ASIC2: variants seen among roughly 807,000 people sequenced by gnomAD.
The protein encoded by ASIC2 is acid sensing ion channel subunit 2, also known as acid-sensing ion channel 2.
A neutral mutation model predicts 57.3 loss-of-function variants in ASIC2; 25 were observed. The observed-to-expected ratio is 0.44, with a 90% confidence interval of 0.32 to 0.61. The LOEUF is 0.61. Among genes scored for constraint, ASIC2 ranks in the 20% least tolerant of loss-of-function variants. The pLI is 0.06. For missense variants in ASIC2, 641 were observed against 738.1 expected, an observed-to-expected ratio of 0.87 and a Z score of 1.52; for synonymous variants, 319 against 307.5, an observed-to-expected ratio of 1.04 and a Z score of -0.39.
At chr17:33,308,060 C>T (rs895735965) in intron 1 of ASIC2, among the ~76,000 whole-genome samples, 1 of 152,182 alleles carries the variant, frequency 6.6e-6, no homozygotes, top group Admixed American at 6.5e-5. Flanking sequence ...TGAGTTTGTA[C>T]ACTGGTATGT....
intron 1 of ASIC2, among the ~76,000 whole-genome samples, chr17:33,809,717 A>C (rs2142152682): frequency 6.6e-6 from 1 of 152,330 alleles, no homozygotes; most frequent in South Asian, 2.1e-4. Flanking sequence ...ATCTTGAGGA[A>C]GAAATGGCAG....
chr17:33,988,821 T>C (rs2142008531), intron 1 of ASIC2, among the ~76,000 whole-genome samples: 1 of 152,110 alleles, frequency 6.6e-6, no homozygotes, highest in East Asian at 1.9e-4. Context: ...CCCTGGTGAC[T>C]CTTAGACAGT....
At chr17:34,037,836 C>A in intron 1 of ASIC2, 1 of 1,614,082 alleles carries the variant, frequency 6.2e-7, no homozygotes, top group Non-Finnish European at 8.5e-7. Context: ...GGGAACTGCA[C>A]TTCAGTAGCT....
chr17:33,637,913 G>T (rs1392392798), intron 1 of ASIC2, among the ~76,000 whole-genome samples: 1 of 152,186 alleles, frequency 6.6e-6, no homozygotes, highest in Non-Finnish European at 1.5e-5. Context: ...TGGCGGATGA[G>T]GGGCTAGGGA....
At chr17:33,021,148 C>T in intron 7 of ASIC2, 71 bp downstream of exon 7, 1 of 1,142,168 alleles carries the variant, frequency 8.8e-7, no homozygotes, top group South Asian at 1.4e-5. Context: ...TGCCTCCCAT[C>T]CACCTGTGCA....
chr17:33,487,565 T>C (rs755945994), intron 1 of ASIC2, among the ~76,000 whole-genome samples: 56 of 152,346 alleles, frequency 3.7e-4, no homozygotes, highest in Non-Finnish European at 5.9e-4. Flanking sequence ...GTGGTTAATA[T>C]TGAGTGTCAA....
At chr17:33,318,275 C>T (rs1029031808) in intron 1 of ASIC2, among the ~76,000 whole-genome samples, 8 of 152,198 alleles carry the variant, frequency 5.3e-5, no homozygotes, top group Non-Finnish European at 1.0e-4. Context: ...TTAACAAAGC[C>T]TATTCTTAGG....
At chr17:33,932,594 T>A (rs556551195) in intron 1 of ASIC2, 3 of 150,814 alleles carry the variant, frequency 2.0e-5, no homozygotes, top group Non-Finnish European at 4.4e-5. Context: ...ATGCCTGTAA[T>A]CTCACCTATT....
chr17:33,521,985 C>T (rs573667823), intron 1 of ASIC2, among the ~76,000 whole-genome samples: 16 of 152,314 alleles, frequency 1.1e-4, no homozygotes, highest in African/African-American at 3.8e-4. Flanking sequence ...CTAGGGGGCC[C>T]TCTGCTGGGC....
intron 1 of ASIC2, among the ~76,000 whole-genome samples, chr17:33,946,297 G>A (rs1348963873): frequency 6.7e-6 from 1 of 149,888 alleles, no homozygotes; most frequent in African/African-American, 2.5e-5. Context: ...GGTGAAAGAC[G>A]ACTGGGACAG....
At chr17:33,329,699 C>A (rs1167174110) in intron 1 of ASIC2, among the ~76,000 whole-genome samples, 3 of 152,172 alleles carry the variant, frequency 2.0e-5, no homozygotes, top group African/African-American at 7.2e-5. Context: ...TGACCTCTGT[C>A]CCTTAACCTT....
chr17:33,357,542 C>T (rs62069385), intron 1 of ASIC2, among the ~76,000 whole-genome samples: 49 of 152,202 alleles, frequency 3.2e-4, no homozygotes, highest in African/African-American at 1.1e-3. Flanking sequence ...GCTAGACCAC[C>T]TTTCCTGCCT....
intron 1 of ASIC2, among the ~76,000 whole-genome samples, chr17:33,963,384 C>T (rs1913021647): frequency 6.6e-6 from 1 of 152,116 alleles, no homozygotes; most frequent in African/African-American, 2.4e-5. Flanking sequence ...CATGCTATTT[C>T]CCCATTTCTG....
At chr17:33,185,902 A>G (rs989480213) in intron 1 of ASIC2, among the ~76,000 whole-genome samples, 1 of 152,170 alleles carries the variant, frequency 6.6e-6, no homozygotes, top group African/African-American at 2.4e-5. Context: ...AGTGGGGACA[A>G]ATTCACCATA....
intron 1 of ASIC2, among the ~76,000 whole-genome samples, chr17:33,663,057 G>T (rs112827289): frequency 2.0e-5 from 3 of 152,112 alleles, no homozygotes; most frequent in South Asian, 4.1e-4. Context: ...GCGCCTGCAC[G>T]CACACACACT....
intron 1 of ASIC2, among the ~76,000 whole-genome samples, chr17:33,771,515 A>G (rs1194190684): frequency 6.6e-6 from 1 of 151,218 alleles, no homozygotes; most frequent in Non-Finnish European, 1.5e-5. Context: ...TAGAAATTGA[A>G]TCTGAGCTGA....
intron 1 of ASIC2, among the ~76,000 whole-genome samples, chr17:33,750,476 C>A (rs553598918): frequency 2.6e-5 from 4 of 152,086 alleles, no homozygotes; most frequent in African/African-American, 9.7e-5. Context: ...CGCTAGGAAC[C>A]TTTACATTCC....
chr17:33,271,273 C>G (rs1597660137), intron 1 of ASIC2, among the ~76,000 whole-genome samples: 1 of 152,176 alleles, frequency 6.6e-6, no homozygotes, highest in South Asian at 2.1e-4. Context: ...CAGCCTGCTG[C>G]TCTTCTCTGT....
chr17:33,806,068 G>A (rs555093992), intron 1 of ASIC2, among the ~76,000 whole-genome samples: 20 of 151,492 alleles, frequency 1.3e-4, no homozygotes, highest in Admixed American at 1.1e-3. Context: ...GGGGCCACCC[G>A]CAGGGGCTCC....
Sources: gnomAD v4.1 joint callset for allele counts (sites outside exome capture counted in the v4.1 genomes callset) on GRCh38, gnomAD v4.1.1 for gene constraint, MANE v1.5 for transcripts, NCBI Gene and HGNC (gene_info 2026-07-23, HGNC 2026-07-21) for gene names.